Variants in STAG2 observed in about 807,000 individuals in gnomAD.
STAG2 encodes STAG2 cohesin complex component.
A neutral mutation model predicts 108.1 loss-of-function variants in STAG2; 14 were observed. The ratio of observed to expected loss-of-function variants is 0.13; its 90% CI spans 0.09 to 0.20. The LOEUF is 0.20. STAG2 is among the 10% of genes least tolerant of loss of function. The probability of loss-of-function intolerance (pLI) is 1.00; values close to 1 mark genes in which losing one functional copy is unlikely to be tolerated. For missense variants in STAG2, 440 were observed against 940.9 expected (o/e 0.47, Z 6.96); for synonymous variants, 307 against 302.7 (o/e 1.01, Z -0.15).
intron 1 of STAG2, among the ~76,000 whole-genome samples, chrX:123,985,957 G>A (rs2055154873): frequency 9.2e-6 from 1 of 108,309 alleles, no homozygotes; most frequent in South Asian, 3.9e-4. Context: ...TATATCCTGT[G>A]TTCTCTGGTT....
chrX:123,987,858 A>G (rs906534414), intron 1 of STAG2, among the ~76,000 whole-genome samples: 9 of 111,847 alleles, frequency 8.0e-5, no homozygotes, highest in East Asian at 2.8e-4. Context: ...ATCTGGTGGA[A>G]TCTCATAAAA....
chrX:124,045,385 A>G lies in STAG2; in HGVS notation c.667+17A>G. On this transcript the variant is annotated intron_variant, in intron 8 of 34. Coordinates refer to ENST00000371145, the MANE Select transcript of STAG2 (RefSeq NM_001042750.2). ...CCCTGGCAGGTCGGTATTTAGAAAT[A>G]TTTTCTGCATATTGTCTTAGATTTG... The G allele has an allele frequency of 1.7e-6, 2 of 1,149,173 alleles. No homozygotes were observed. 94.7% of individuals were successfully genotyped at this position (1,149,173 alleles called of 1,213,427 possible).
At position 124,083,423 on chromosome X, in the gene STAG2, A is replaced by G; in HGVS notation, c.2927A>G (p.Asp976Gly). ...TREAIAMLHK[D>G]GIEFAFKEPN... ...TTATTTTTTGTTTTCCTTTGCAGAG[A>G]TGGCATAGAATTTGCTTTTAAAGAG... The change falls in exon 29 of 35, where the codon GAT becomes GGT. Residue 976 changes from aspartate (D) to glycine (G), a missense_variant and splice_region_variant. Physicochemically the swap from Asp to Gly is moderately conservative, Grantham distance 94 (BLOSUM62 -1). This residue lies in a region of STAG2 where 337 missense variants were observed against 649.3 expected (regional missense o/e 0.52). Coordinates refer to ENST00000371145, the MANE Select transcript of STAG2 (RefSeq NM_001042750.2). The G allele has an allele frequency of 8.6e-7, 1 of 1,167,366 alleles. No homozygotes were observed. Among genetic ancestry groups the G allele is most frequent in the South Asian group, 2.0e-5 (1 of 50,531 alleles).
chrX:123,991,633 G>A (rs1185763705), intron 1 of STAG2, among the ~76,000 whole-genome samples: 1 of 107,819 alleles, frequency 9.3e-6, no homozygotes, highest in African/African-American at 3.4e-5. Context: ...GATTACAGGC[G>A]TGAGCCACCA....
intron 30 of STAG2, among the ~76,000 whole-genome samples, chrX:124,089,505 G>A (rs958465946): frequency 3.6e-5 from 4 of 111,236 alleles, no homozygotes; most frequent in Non-Finnish European, 7.5e-5. Flanking sequence ...CCCATAGGTT[G>A]GGAACCAGTC....
chrX:124,011,988 G>GT (rs914212372), intron 1 of STAG2, among the ~76,000 whole-genome samples: 4 of 111,568 alleles, frequency 3.6e-5, no homozygotes, highest in Admixed American at 9.5e-5. Context: ...TAACTTGAGT[G>GT]TTTTTTATAG....
intron 1 of STAG2, among the ~76,000 whole-genome samples, chrX:123,985,114 T>G (rs1000801674): frequency 8.9e-6 from 1 of 111,998 alleles, no homozygotes; most frequent in Admixed American, 9.5e-5. Context: ...GAGCCAAGGT[T>G]AAAAAATACA....
At chrX:124,034,552 C>T (rs1319789862) in intron 5 of STAG2, among the ~76,000 whole-genome samples, 1 of 111,943 alleles carries the variant, frequency 8.9e-6, no homozygotes, top group African/African-American at 3.2e-5. Flanking sequence ...GCCATGTTTT[C>T]TGTCCTCCAG....
Position 124,063,258 on chromosome X carries a change from A to G in STAG2, c.1821+53A>G, listed in dbSNP as rs774821114. ...TTTAAGAAAAATTATTCAGTTCATT[A>G]TATCATAGCGTTTGTTTATATTTCT... is the stretch of plus-strand genomic sequence containing the variant. On this transcript the variant is annotated intron_variant, in intron 19 of 34. Coordinates refer to ENST00000371145, the MANE Select transcript of STAG2 (RefSeq NM_001042750.2). The G allele has an allele frequency of 2.3e-3, 2,034 of 901,520 alleles. 3 individuals are homozygous for G. The highest frequency in any genetic ancestry group is 2.7e-3 in the Non-Finnish European group (1,768 of 644,401). The allele number at this position is 901,520 out of a possible 1,213,427, so 74.3% of individuals were successfully genotyped here. A position where few individuals can be genotyped will look rare whatever the true frequency, so the allele number is the denominator to read the frequency against.
At chrX:123,970,553 T>A (rs1413335276) in intron 1 of STAG2, among the ~76,000 whole-genome samples, 1 of 111,998 alleles carries the variant, frequency 8.9e-6, no homozygotes, top group Non-Finnish European at 1.9e-5. Context: ...ATGGCCTCTA[T>A]TAAAATTCGT....
chrX:124,019,432 T>C (rs1300009396), intron 1 of STAG2, among the ~76,000 whole-genome samples: 1 of 110,882 alleles, frequency 9.0e-6, no homozygotes, highest in Non-Finnish European at 1.9e-5. Flanking sequence ...TCTTAACAGG[T>C]ATTAAGGACA....
In STAG2 at chrX:124,028,794, T is replaced by TTATATATATA. The variant is rs56052834; in HGVS notation, c.124-2147_124-2138dup. 4.8e-4 allele frequency among the ~76,000 whole-genome samples: 36 copies of TTATATATATA among 75,034 alleles called. 1 individual carries two copies. Among genetic ancestry groups the TTATATATATA allele is most frequent in the African/African-American group, 1.9e-3 (33 of 17,105 alleles). The allele number at this position is 75,034 out of a possible 115,157, so 65.2% of individuals were successfully genotyped here. ...ACTGTCCAGGAGCTCTAAGAATAGTTTATATATATATATATATATATATAT... is the reference window on the plus strand; with the variant it reads ...ACTGTCCAGGAGCTCTAAGAATAGTTTATATATATATATATATATATATATATATATATAT... On this transcript the variant is annotated intron_variant, in intron 4 of 34. Transcript: ENST00000371145.
intron 34 of STAG2, among the ~76,000 whole-genome samples, chrX:124,096,947 G>A (rs2059394620): frequency 8.9e-6 from 1 of 112,293 alleles, no homozygotes; most frequent in African/African-American, 3.2e-5. Flanking sequence ...GGAAGGCCAA[G>A]GTGGGAGGAT....
At chrX:124,062,612 T>G (rs986572567) in intron 17 of STAG2, among the ~76,000 whole-genome samples, 3 of 112,091 alleles carry the variant, frequency 2.7e-5, no homozygotes, top group African/African-American at 9.7e-5. Flanking sequence ...TTTCCTATTT[T>G]TAACTGATTC....
chrX:124,023,841 G>A lies in STAG2; in HGVS notation c.44+1170G>A, dbSNP rs182254352. 2.6e-4 allele frequency among the ~76,000 whole-genome samples: 29 copies of A among 111,643 alleles called. No individual in the cohort carries two copies. In the East Asian group the frequency reaches 7.0e-3, roughly 27 times the overall value. On this transcript the variant is annotated intron_variant, in intron 3 of 34. Transcript: ENST00000371145. Reference sequence around the variant, plus strand: ...GGATAATGAATAAAAGGGAATTGATGTTGTTCGGGTGGAACAGGCCCAGCA... The same window carrying A: ...GGATAATGAATAAAAGGGAATTGATATTGTTCGGGTGGAACAGGCCCAGCA...
chrX:124,073,254 T>C (rs999155857), intron 25 of STAG2, among the ~76,000 whole-genome samples: 1 of 112,066 alleles, frequency 8.9e-6, no homozygotes, highest in East Asian at 2.8e-4. Context: ...TAAAACCTGA[T>C]ACAAAATAAG....
rs943735943 is a variant in STAG2, at chrX:124,021,430, A to G, written c.-99A>G. On this transcript the variant is annotated splice_region_variant and 5_prime_UTR_variant, in exon 2 of 35. Coordinates refer to ENST00000371145, the MANE Select transcript of STAG2 (RefSeq NM_001042750.2). ...AAAACATAAGAAAATTATAAGAGAA[A>G]GGTACACATAAGACTAAGAGCTTTA... The G allele has an allele frequency of 8.9e-6, 1 of 111,933 alleles. No homozygotes were observed. Among genetic ancestry groups the G allele is most frequent in the African/African-American group, 3.2e-5 (1 of 30,818 alleles). The allele number at this position is 111,933 out of a possible 1,213,427, so 9.2% of individuals were successfully genotyped here.
intron 5 of STAG2, among the ~76,000 whole-genome samples, chrX:124,035,472 C>T (rs188473610): frequency 1.6e-4 from 18 of 111,600 alleles, no homozygotes; most frequent in East Asian, 8.5e-4. Flanking sequence ...TCTATTGATG[C>T]ATAACAAACC....
intron 1 of STAG2, among the ~76,000 whole-genome samples, chrX:124,013,748 G>T (rs768255277): frequency 1.8e-5 from 2 of 111,053 alleles, no homozygotes; most frequent in East Asian, 5.7e-4. Flanking sequence ...ACTTTTTAGG[G>T]TGGGTTTATG....
Sources: allele counts gnomAD v4.1 joint callset (sites outside exome capture counted in the v4.1 genomes callset), GRCh38; gene constraint gnomAD v4.1.1; regional missense constraint gnomAD v4.1.1; transcripts MANE v1.5; gene names NCBI Gene and HGNC (gene_info 2026-07-23, HGNC 2026-07-21).